Variants in CHD6 observed in about 807,000 individuals in gnomAD.
CHD6 encodes the protein ATP-dependent chromatin remodeler CHD6.
Under a neutral mutation model 276.9 loss-of-function variants are expected in CHD6, and 50 were observed. The ratio of observed to expected loss-of-function variants is 0.18; its 90% CI spans 0.14 to 0.23. The LOEUF is 0.23. Ranked by LOEUF, CHD6 falls within the 10% of genes least tolerant of loss-of-function variation. The pLI is 1.00. For synonymous variants in CHD6, 1,173 were observed against 1,229.3 expected (o/e 0.95, Z 0.96); for missense variants, 2,564 against 3,365.8 (o/e 0.76, Z 5.89).
chr20:41,523,794 T>C (rs114542475), intron 3 of CHD6, among the ~76,000 whole-genome samples: 1 of 152,282 alleles, frequency 6.6e-6, no homozygotes, highest in African/African-American at 2.4e-5. Flanking sequence ...GAGTGCTGAA[T>C]CTGAGTACGA....
At chr20:41,456,681 A>G (rs2048386985) in intron 18 of CHD6, among the ~76,000 whole-genome samples, 1 of 152,244 alleles carries the variant, frequency 6.6e-6, no homozygotes, top group South Asian at 2.1e-4. Context: ...TGATGCCCTG[A>G]GCCCAGAGAT....
intron 17 of CHD6, among the ~76,000 whole-genome samples, chr20:41,461,272 A>G (rs1292907156): frequency 6.6e-6 from 1 of 152,204 alleles, no homozygotes; most frequent in Admixed American, 6.5e-5. Context: ...TGAATGAGTT[A>G]AGACTTTCGG....
intron 1 of CHD6, among the ~76,000 whole-genome samples, chr20:41,554,397 ATTTATTTATTTT>A (rs913469567): frequency 2.0e-5 from 3 of 151,794 alleles, no homozygotes; most frequent in Non-Finnish European, 4.4e-5. Context: ...TTATTTATTT[ATTTATTTATTTT>A]ATTGATCATT....
chr20:41,415,546 G>A lies in CHD6; in HGVS notation c.6579C>T (p.Gly2193=). The A allele has an allele frequency of 6.2e-7, 1 of 1,614,106 alleles. No individual in the cohort carries two copies. Among genetic ancestry groups the A allele is most frequent in the Non-Finnish European group, 8.5e-7 (1 of 1,180,014 alleles). Reference sequence around the variant, plus strand: ...CGTGGGTGGCAGAGAACTGCTCCAGGCCCCGAGCCTTTGCATCCCTCTCCA... The same window carrying A: ...CGTGGGTGGCAGAGAACTGCTCCAGACCCCGAGCCTTTGCATCCCTCTCCA... ...FEVERDAKAR[G]LEQFSATHGH... Residue 2193 remains glycine, a synonymous_variant, in exon 34 of 37, where the codon GGC becomes GGT. Coordinates refer to ENST00000373233, the MANE Select transcript of CHD6 (RefSeq NM_032221.5).
At chr20:41,462,261 T>G (rs1338896135) in intron 17 of CHD6, among the ~76,000 whole-genome samples, 1 of 152,232 alleles carries the variant, frequency 6.6e-6, no homozygotes, top group East Asian at 1.9e-4. Flanking sequence ...TTAATCATGT[T>G]GAAAAACTCA....
rs761748181 is a variant in CHD6 at position 41,484,359 on chromosome 20, C to G, written c.2250G>C (p.Leu750=). Residue 750 remains leucine (L), a synonymous_variant, in exon 15 of 37, where the codon CTG becomes CTC. Coordinates refer to ENST00000373233, the MANE Select transcript of CHD6 (RefSeq NM_032221.5). The part of the protein sequence containing the change: ...ELRKCCNHPY[L]INGAEEKILE... ...CTAGTGCCCCTGACTCACCATTGAT[C>G]AGGTAGGGATGGTTACAGCACTTCC... 8.7e-6 allele frequency: 14 copies of G among 1,613,592 alleles called. No homozygotes were observed. Among genetic ancestry groups the G allele is most frequent in the African/African-American group, 2.7e-5 (2 of 74,862 alleles).
chr20:41,583,293 G>C (rs1375731259), intron 1 of CHD6, among the ~76,000 whole-genome samples: 1 of 151,844 alleles, frequency 6.6e-6, no homozygotes, highest in Non-Finnish European at 1.5e-5. Flanking sequence ...GGAGGAAAAA[G>C]ACATTACCTT....
chr20:41,574,059 A>G, intron 1 of CHD6, among the ~76,000 whole-genome samples: 1 of 149,948 alleles, frequency 6.7e-6, no homozygotes, highest in Non-Finnish European at 1.5e-5. Flanking sequence ...TCCTAAATGC[A>G]GGTCGGCAAT....
chr20:41,449,074 T>C lies in CHD6; in HGVS notation c.3684-1103A>G, dbSNP rs1381528815. Among the ~76,000 whole-genome samples the C allele has an allele frequency of 3.3e-5, 5 of 152,110 alleles. No individual in the cohort carries two copies. In the East Asian group the frequency reaches 7.7e-4, roughly 23 times the overall value. The stretch of plus-strand genomic sequence containing the variant: ...CCACCACCACATTCGGCTAATTTTT[T>C]ATATTTTTAGTAGAGATGGGGTTTC... On this transcript the variant is annotated intron_variant, in intron 23 of 36. Transcript: ENST00000373233.
intron 3 of CHD6, among the ~76,000 whole-genome samples, chr20:41,521,887 T>C (rs2044407533): frequency 6.6e-6 from 1 of 152,214 alleles, no homozygotes; most frequent in Non-Finnish European, 1.5e-5. Flanking sequence ...TGAGACCATC[T>C]GAACACCAAA....
At position 41,588,412 on chromosome 20, in the gene CHD6, T is replaced by C. The variant is rs372176373; in HGVS notation, c.-24+29928A>G. On this transcript the variant is annotated intron_variant, in intron 1 of 36. Coordinates refer to ENST00000373233, the MANE Select transcript of CHD6 (RefSeq NM_032221.5). ...TGGCAATTCAGGGTTTTTCTTCTCATAGTCATGACAGAGGCACTAGAGGAT... is the reference window on the plus strand; with the variant it reads ...TGGCAATTCAGGGTTTTTCTTCTCACAGTCATGACAGAGGCACTAGAGGAT... Among the ~76,000 whole-genome samples, 8 of 152,278 alleles carry C rather than the reference T, an allele frequency of 5.3e-5. No homozygotes were observed. In the South Asian group the frequency reaches 1.7e-3, roughly 32 times the overall value.
At position 41,473,509 on chromosome 20, in the gene CHD6, T is replaced by C. The variant is rs565086652; in HGVS notation, c.2477A>G (p.Tyr826Cys). The C allele has an allele frequency of 1.2e-5, 19 of 1,613,854 alleles. No individual in the cohort carries two copies. The highest frequency in any genetic ancestry group is 1.4e-5 in the Non-Finnish European group (17 of 1,179,914). The stretch of plus-strand genomic sequence containing the variant: ...CCGTACTCGCCCATCAATTCGCTCA[T>C]AGGTGTATCTGAGGGGACCCAAATG... ...EDYLIQRRYT[Y>C]ERIDGRVRGN... is the part of the protein sequence containing the mutation. The change falls in exon 17 of 37, where the codon TAT becomes TGT. Residue 826 changes from tyrosine (Y) to cysteine (C), a missense_variant. Coordinates refer to ENST00000373233, the MANE Select transcript of CHD6 (RefSeq NM_032221.5). This position sits in a 1 kb window ranked among gnomAD's most constrained non-coding sequence, Gnocchi z 4.1.
At chr20:41,454,593 T>C (rs2048331017) in intron 20 of CHD6, 33 bp downstream of exon 20, 1 of 1,490,444 alleles carries the variant, frequency 6.7e-7, no homozygotes, top group Non-Finnish European at 9.3e-7. Flanking sequence ...CATAAGTGAA[T>C]GTTCCATGGA....
chr20:41,610,991 T>C (rs1220349024), intron 1 of CHD6, among the ~76,000 whole-genome samples: 4 of 152,166 alleles, frequency 2.6e-5, no homozygotes, highest in Admixed American at 2.6e-4. Flanking sequence ...AAAGACATCA[T>C]GCATGTTAGT....
intron 1 of CHD6, among the ~76,000 whole-genome samples, chr20:41,578,406 AGTTT>A (rs1047622185): frequency 7.9e-5 from 12 of 152,218 alleles, no homozygotes; most frequent in Non-Finnish European, 1.8e-4. Flanking sequence ...TTTTTAAAAA[AGTTT>A]TTTAATAAAA....
intron 1 of CHD6, among the ~76,000 whole-genome samples, chr20:41,591,213 G>C (rs1156368625): frequency 8.3e-6 from 1 of 120,936 alleles, no homozygotes. Flanking sequence ...GCCTGTTGTG[G>C]GGTGGGGGGA....
chr20:41,428,413 A>T (rs373610552), intron 27 of CHD6, among the ~76,000 whole-genome samples: 6 of 152,306 alleles, frequency 3.9e-5, no homozygotes, highest in Admixed American at 1.3e-4. Flanking sequence ...GTGCTACCTC[A>T]ATTTCTGCTT....
chr20:41,528,689 G>A (rs973994975), intron 3 of CHD6, among the ~76,000 whole-genome samples: 3 of 152,048 alleles, frequency 2.0e-5, no homozygotes, highest in Non-Finnish European at 1.5e-5. Context: ...GGAGGGAAAA[G>A]AATAAATACT....
At chr20:41,425,988 A>C (rs2047350997) in intron 28 of CHD6, 105 bp downstream of exon 28, 1 of 878,934 alleles carries the variant, frequency 1.1e-6, no homozygotes, top group Non-Finnish European at 1.9e-6. Context: ...TTGGCTTTTT[A>C]AAAGAGCCTC....
Sources: gnomAD v4.1 joint callset for allele counts (sites outside exome capture counted in the v4.1 genomes callset) on GRCh38, gnomAD v4.1.1 for gene constraint, Gnocchi (gnomAD v3.1) non-coding constraint, MANE v1.5 for transcripts, NCBI Gene and HGNC (gene_info 2026-07-23, HGNC 2026-07-21) for gene names.